Variants in ZNF135 observed in about 807,000 individuals in gnomAD.
The protein encoded by ZNF135 is zinc finger protein 135 (clone pHZ-17).
ZNF135 carries 11 observed loss-of-function variants against 12.3 expected under a neutral mutation model. That is an observed-to-expected ratio of 0.89 (90% CI 0.56 to 1.48). ZNF135 has a LOEUF of 1.48. ZNF135 is among the 40% of genes most tolerant of loss of function. ZNF135 has a pLI of 0.00. For missense variants in ZNF135, 722 were observed against 815.7 expected (o/e 0.89, Z 1.40); for synonymous variants, 316 against 312.0 (o/e 1.01, Z -0.14).
rs1196376938 is a variant in ZNF135, at chr19:58,068,101, G to A, written c.1617G>A (p.Gln539=). The A allele has an allele frequency of 1.2e-6, 2 of 1,613,898 alleles. No individual in the cohort carries two copies. The highest frequency in any genetic ancestry group is 1.7e-6 in the Non-Finnish European group (2 of 1,180,020). Residue 539 remains glutamine, a synonymous_variant, in exon 5 of 5, where the codon CAG becomes CAA. Coordinates refer to ENST00000313434, the MANE Select transcript of ZNF135 (RefSeq NM_001289401.2). ...TCAGCCAGCTTGCTCCCCTCATTCA[G>A]CATCAGAGGATCCACACAGGAGAGA... ...RAFSQLAPLI[Q]HQRIHTGEKP... is the part of the protein sequence containing the mutation.
rs1021900471 is a variant in ZNF135 at position 58,060,349 on chromosome 19, C to G, written c.33+314C>G. 74 of 1,303,440 alleles carry G rather than the reference C, an allele frequency of 5.7e-5. No individual in the cohort carries two copies. The highest frequency in any genetic ancestry group is 6.9e-5 in the Non-Finnish European group (70 of 1,020,518). 80.7% of individuals were successfully genotyped at this position (1,303,440 alleles called of 1,614,324 possible). On this transcript the variant is annotated intron_variant, in intron 2 of 4. Transcript: ENST00000313434. The surrounding 1 kb of genome is among the most constrained non-coding windows in gnomAD (Gnocchi z 4.9). ...CCGGCCTCCTAAAGTCCGCGCCAAG[C>G]TCCCCAACCACAGCCTGCCTCTGAA...
At position 58,063,464 on chromosome 19, in the gene ZNF135, C is replaced by T. The variant is rs199686405; in HGVS notation, c.179C>T (p.Pro60Leu). Residue 60 changes from proline (P) to leucine (L), a missense_variant, in exon 4 of 5, where the codon CCG (proline) becomes CTG (leucine). Coordinates refer to ENST00000313434, the MANE Select transcript of ZNF135 (RefSeq NM_001289401.2). This position sits in a 1 kb window ranked among gnomAD's most constrained non-coding sequence, Gnocchi z 4.4. Reference sequence around the variant, plus strand: ...TGAGCAGGACATTGGTTACCGAAGCCGAATGTCATCTCCCTGCTGGAGCAA... The same window carrying T: ...TGAGCAGGACATTGGTTACCGAAGCTGAATGTCATCTCCCTGCTGGAGCAA... ...LVSVGHWLPK[P>L]NVISLLEQEA... 84 of 1,614,040 alleles carry T rather than the reference C, an allele frequency of 5.2e-5. No individual in the cohort carries two copies. The East Asian group carries it at 1.7e-3, about 33-fold the overall frequency.
chr19:58,067,463 G>T lies in ZNF135; in HGVS notation c.979G>T (p.Glu327Ter). The T allele has an allele frequency of 6.2e-7, 1 of 1,614,188 alleles. No homozygotes were observed. Among genetic ancestry groups the T allele is most frequent in the Non-Finnish European group, 8.5e-7 (1 of 1,180,038 alleles). The change falls in exon 5 of 5, where the codon GAG becomes TAG. Residue 327 changes from glutamate (E) to a stop codon, truncating the protein, a stop_gained. Coordinates refer to ENST00000313434, the MANE Select transcript of ZNF135 (RefSeq NM_001289401.2). LOFTEE classifies it low-confidence loss of function (END_TRUNC). Reference sequence around the variant, plus strand: ...AACTCACACAGGCGAGAAGCCCTACGAGTGCAGTGAGTGTGGGAAAGCCTT... The same window carrying T: ...AACTCACACAGGCGAGAAGCCCTACTAGTGCAGTGAGTGTGGGAAAGCCTT... ...ERTHTGEKPY[E>*]CSECGKAFRQ... is the part of the protein sequence containing the mutation.
chr19:58,059,849 G>T lies in ZNF135; in HGVS notation c.-34-120G>T. The stretch of plus-strand genomic sequence containing the variant: ...CCCACACACAGCAGGCGCTTAAACG[G>T]GTACGCGGGGCCCTGGACGGCTCTC... On this transcript the variant is annotated intron_variant, in intron 1 of 4. Coordinates refer to ENST00000313434, the MANE Select transcript of ZNF135 (RefSeq NM_001289401.2). The surrounding 1 kb of genome is among the most constrained non-coding windows in gnomAD (Gnocchi z 6.5). The T allele has an allele frequency of 3.2e-6, 4 of 1,233,184 alleles. No homozygotes were observed. The highest frequency in any genetic ancestry group is 4.5e-6 in the Non-Finnish European group (4 of 897,908). 76.4% of individuals were successfully genotyped at this position (1,233,184 alleles called of 1,614,324 possible). A position where few individuals can be genotyped will look rare whatever the true frequency, so the allele number is the denominator to read the frequency against.
chr19:58,061,857 A>G, intron 3 of ZNF135, 151 bp downstream of exon 3: 1 of 1,029,620 alleles, frequency 9.7e-7, no homozygotes. Context: ...TAATGTAGGA[A>G]ATATCAATTA....
intron 3 of ZNF135, 130 bp downstream of exon 3, chr19:58,061,836 C>T: frequency 8.3e-7 from 1 of 1,206,416 alleles, no homozygotes; most frequent in Non-Finnish European, 1.1e-6. Context: ...GCTTTAAGAA[C>T]CTGACTGTTT....
At position 58,065,483 on chromosome 19, in the gene ZNF135, C is replaced by T. The variant is rs1296645055; in HGVS notation, c.257-1258C>T. ...AGTGTTGAGATTACAGGCATGAGGCCCTGTGCCTGGCTAAGAATCCGTTTC... is the reference window on the plus strand; with the variant it reads ...AGTGTTGAGATTACAGGCATGAGGCTCTGTGCCTGGCTAAGAATCCGTTTC... On this transcript the variant is annotated intron_variant, in intron 4 of 4. Coordinates refer to ENST00000313434, the MANE Select transcript of ZNF135 (RefSeq NM_001289401.2). This position sits in a 1 kb window ranked among gnomAD's most constrained non-coding sequence, Gnocchi z 4.0. Among the ~76,000 whole-genome samples, 2 of 152,146 alleles carry T rather than the reference C, an allele frequency of 1.3e-5. No individual in the cohort carries two copies. Among genetic ancestry groups the T allele is most frequent in the Non-Finnish European group, 2.9e-5 (2 of 68,024 alleles).
At position 58,066,321 on chromosome 19, in the gene ZNF135, C is replaced by A. The variant is rs146618657; in HGVS notation, c.257-420C>A. 4.5e-3 allele frequency among the ~76,000 whole-genome samples: 692 copies of A among 152,272 alleles called. 16 individuals carry two copies. The highest frequency in any genetic ancestry group is 0.037 in the Admixed American group (563 of 15,292). On this transcript the variant is annotated intron_variant, in intron 4 of 4. Transcript: ENST00000313434. ...TGCAGCACGTTTTTCTCTGTTGCCA[C>A]CTGGCATTGTGGAGGCCACTGTAGC...
rs2074009393 is a variant in ZNF135, at chr19:58,063,166, T to G, written c.161-280T>G. On this transcript the variant is annotated intron_variant, in intron 3 of 4. Transcript: ENST00000313434. The surrounding 1 kb of genome is among the most constrained non-coding windows in gnomAD (Gnocchi z 4.4). ...GTTGTCCTGGTTTGGCTGCCAGGTC[T>G]TCTTCACAGTGATCATTGATGCCAG... is the stretch of plus-strand genomic sequence containing the variant. Among the ~76,000 whole-genome samples the G allele has an allele frequency of 6.6e-6, 1 of 152,206 alleles. No homozygotes were observed. Among genetic ancestry groups the G allele is most frequent in the Non-Finnish European group, 1.5e-5 (1 of 68,032 alleles).
In ZNF135 at chr19:58,067,002, C is replaced by T. The variant is rs779111573; in HGVS notation, c.518C>T (p.Pro173Leu). 3.9e-5 allele frequency: 63 copies of T among 1,614,054 alleles called. No homozygotes were observed. The highest frequency in any genetic ancestry group is 5.1e-5 in the Non-Finnish European group (60 of 1,180,044). ...TTTGGGGAAAACATAAGTCTGAACC[C>T]TGATCTCCCACATCAACCAATGACT... is the stretch of plus-strand genomic sequence containing the variant. ...NGFGENISLN[P>L]DLPHQPMTPE... The change falls in exon 5 of 5, where the codon CCT becomes CTT. Residue 173 changes from proline to leucine, a missense_variant. Transcript: ENST00000313434.
At chr19:58,064,990 G>A (rs11673436) in intron 4 of ZNF135, among the ~76,000 whole-genome samples, 1 of 152,002 alleles carries the variant, frequency 6.6e-6, no homozygotes, top group African/African-American at 2.4e-5. Context: ...ACAGATTTTC[G>A]ATTGTACTGG....
Position 58,062,564 on chromosome 19 carries a change from T to C in ZNF135, c.160+858T>C, listed in dbSNP as rs181645875. 1.3e-3 allele frequency among the ~76,000 whole-genome samples: 165 copies of C among 128,800 alleles called. 1 individual carries two copies. Among genetic ancestry groups the C allele is most frequent in the African/African-American group, 4.8e-3 (157 of 32,752 alleles). 84.5% of individuals were successfully genotyped at this position (128,800 alleles called of 152,430 possible). ...CGCCTGGCTAATTTTTTTTTTTTTTTGTATATTTAGTAGAGACGGGGTTTC... is the reference window on the plus strand; with the variant it reads ...CGCCTGGCTAATTTTTTTTTTTTTTCGTATATTTAGTAGAGACGGGGTTTC... On this transcript the variant is annotated intron_variant, in intron 3 of 4. Transcript: ENST00000313434.
intron 4 of ZNF135, among the ~76,000 whole-genome samples, chr19:58,064,124 TTG>T (rs748251316): frequency 8.7e-4 from 133 of 152,288 alleles, no homozygotes; most frequent in Middle Eastern, 3.4e-3. Context: ...TGTAGGGTGA[TTG>T]GTAGGTAGCA....
chr19:58,063,531 C>G lies in ZNF135; in HGVS notation c.246C>G (p.Gly82=). 1 of 1,614,050 alleles carries G rather than the reference C, an allele frequency of 6.2e-7. No homozygotes were observed. Among genetic ancestry groups the G allele is most frequent in the Non-Finnish European group, 8.5e-7 (1 of 1,179,968 alleles). Reference sequence around the variant, plus strand: ...CGGTGGAGTCTAGACTTCCCCAAGGCGTGTACCCAGGTGAGATGGGAGCCC... The same window carrying G: ...CGGTGGAGTCTAGACTTCCCCAAGGGGTGTACCCAGGTGAGATGGGAGCCC... ...LWAVESRLPQ[G]VYPDLETRPK... Residue 82 remains glycine (G), a synonymous_variant, in exon 4 of 5, where the codon GGC becomes GGG. Transcript: ENST00000313434. The surrounding 1 kb of genome is among the most constrained non-coding windows in gnomAD (Gnocchi z 4.4).
At position 58,068,354 on chromosome 19, in the gene ZNF135, C is replaced by T; in HGVS notation, c.1870C>T (p.His624Tyr). The change falls in exon 5 of 5, where the codon CAC (histidine) becomes TAC (tyrosine). Residue 624 changes from histidine to tyrosine, a missense_variant. By Grantham distance (83) the His-to-Tyr change is moderately conservative. Transcript: ENST00000313434. ...SFRQSTHLTQ[H>Y]RRIHTGEKPY... The stretch of plus-strand genomic sequence containing the variant: ...TAGGCAGAGCACCCACCTCACTCAG[C>T]ACCGGAGGATCCACACAGGAGAGAA... 1.2e-6 allele frequency: 2 copies of T among 1,613,930 alleles called. No homozygotes were observed. The highest frequency in any genetic ancestry group is 1.7e-6 in the Non-Finnish European group (2 of 1,179,976).
intron 3 of ZNF135, 74 bp downstream of exon 3, chr19:58,061,780 A>G (rs1568612248): frequency 6.6e-7 from 1 of 1,516,874 alleles, no homozygotes; most frequent in Non-Finnish European, 8.8e-7. Flanking sequence ...TTAAATATTT[A>G]TAGGACTGAG....
chr19:58,062,977 C>T (rs75890232), intron 3 of ZNF135, among the ~76,000 whole-genome samples: 2,004 of 152,312 alleles, frequency 0.013, 33 homozygotes, highest in East Asian at 0.072. Flanking sequence ...AGGCATAAGC[C>T]ACTATGCATA....
In ZNF135 at chr19:58,068,251, C is replaced by T; in HGVS notation, c.1767C>T (p.His589=). Residue 589 remains histidine (H), a synonymous_variant, in exon 5 of 5, where the codon CAC becomes CAT. Coordinates refer to ENST00000313434, the MANE Select transcript of ZNF135 (RefSeq NM_001289401.2). ...GCNECGKSFS[H]SSSLSQHERT... is the part of the protein sequence containing the mutation. ...ATGAGTGTGGGAAATCCTTCAGCCA[C>T]AGCTCCTCGCTCAGCCAGCACGAAA... The T allele has an allele frequency of 1.9e-6, 3 of 1,614,122 alleles. No individual in the cohort carries two copies. Among genetic ancestry groups the T allele is most frequent in the Non-Finnish European group, 2.5e-6 (3 of 1,180,020 alleles).
Position 58,068,014 on chromosome 19 carries a change from C to T in ZNF135, c.1530C>T (p.Thr510=). The part of the protein sequence containing the change: ...GKAFSHSSSL[T]KHQRIHTGEK... ...CATTCAGTCACAGCTCGTCCCTCAC[C>T]AAACATCAGCGAATCCACACTGGGG... Residue 510 remains threonine (T), a synonymous_variant, in exon 5 of 5, where the codon ACC becomes ACT. Coordinates refer to ENST00000313434, the MANE Select transcript of ZNF135 (RefSeq NM_001289401.2). The T allele has an allele frequency of 6.2e-7, 1 of 1,614,002 alleles. No homozygotes were observed. Among genetic ancestry groups the T allele is most frequent in the South Asian group, 1.1e-5 (1 of 91,058 alleles).
Sources: allele counts gnomAD v4.1 joint callset (sites outside exome capture counted in the v4.1 genomes callset), GRCh38; gene constraint gnomAD v4.1.1; non-coding constraint Gnocchi (gnomAD v3.1); transcripts MANE v1.5; gene names NCBI Gene and HGNC (gene_info 2026-07-23, HGNC 2026-07-21).